Variants in APOOL observed in about 807,000 individuals in gnomAD.
APOOL encodes the protein MICOS complex subunit MIC27.
In APOOL, 12 loss-of-function variants were observed where a neutral mutation model predicts 23.1. The observed-to-expected ratio is 0.52, with a 90% confidence interval of 0.33 to 0.84. The LOEUF (loss-of-function observed/expected upper bound fraction) is 0.84, where lower values mean the gene tolerates loss of function less well. Among genes scored for constraint, APOOL ranks in the 40% least tolerant of loss-of-function variants. The probability of loss-of-function intolerance (pLI) is 0.02; values close to 1 mark genes in which losing one functional copy is unlikely to be tolerated. For missense variants in APOOL, 212 were observed against 199.6 expected, an observed-to-expected ratio of 1.06 and a Z score of -0.37; for synonymous variants, 77 against 69.9, an observed-to-expected ratio of 1.10 and a Z score of -0.51.
chrX:85,022,801 G>A (rs1329954830), intron 1 of APOOL, among the ~76,000 whole-genome samples: 1 of 111,802 alleles, frequency 8.9e-6, no homozygotes, highest in Admixed American at 9.5e-5. Context: ...AAGTTCAATT[G>A]TCCTTATGCT....
chrX:85,042,345 A>C (rs971903026), intron 1 of APOOL, among the ~76,000 whole-genome samples: 4 of 111,784 alleles, frequency 3.6e-5, no homozygotes, highest in African/African-American at 1.3e-4. Flanking sequence ...AATAAGTTGG[A>C]AAATCTAGAA....
At chrX:85,084,167 GCT>G (rs1924211316) in intron 8 of APOOL, among the ~76,000 whole-genome samples, 1 of 90,416 alleles carries the variant, frequency 1.1e-5, no homozygotes, top group African/African-American at 4.4e-5. Context: ...ATGGAGTCTC[GCT>G]CTGTCACCCA....
At chrX:85,062,814 C>A (rs1422011849) in intron 5 of APOOL, among the ~76,000 whole-genome samples, 1 of 111,402 alleles carries the variant, frequency 9.0e-6, no homozygotes, top group African/African-American at 3.3e-5. Flanking sequence ...CAACTTTGTT[C>A]TTTTTTGCTT....
chrX:85,081,573 T>A (rs1322210803), intron 8 of APOOL: 3 of 117,759 alleles, frequency 2.5e-5, no homozygotes, highest in African/African-American at 9.8e-5. Context: ...TGTCTTGGGG[T>A]TGCTATTCTC....
At chrX:85,047,639 A>C (rs1444299877) in intron 2 of APOOL, among the ~76,000 whole-genome samples, 1 of 111,380 alleles carries the variant, frequency 9.0e-6, no homozygotes, top group Non-Finnish European at 1.9e-5. Context: ...GTACTTAGGC[A>C]TTTGAACTTT....
intron 1 of APOOL, among the ~76,000 whole-genome samples, chrX:85,015,620 G>A (rs1302331524): frequency 3.7e-5 from 4 of 107,794 alleles, no homozygotes; most frequent in African/African-American, 1.0e-4. Flanking sequence ...CCAGGCTGGA[G>A]TGCAATGGCG....
Position 85,083,474 on chromosome X carries a change from G to T in APOOL, c.719-4116G>T, listed in dbSNP as rs548192544. On this transcript the variant is annotated intron_variant, in intron 8 of 8. Transcript: ENST00000373173. ...CAGTACCCGAAATTAAGAACTCATT[G>T]TATGGGTTTAACAGCAGACTATTTA... Among the ~76,000 whole-genome samples the T allele has an allele frequency of 1.3e-4, 15 of 111,602 alleles. No homozygotes were observed. In the South Asian group the frequency reaches 5.7e-3, roughly 42 times the overall value.
At chrX:85,023,253 C>T (rs1397218297) in intron 1 of APOOL, among the ~76,000 whole-genome samples, 2 of 111,487 alleles carry the variant, frequency 1.8e-5, no homozygotes, top group Non-Finnish European at 1.9e-5. Flanking sequence ...AACCAGCATA[C>T]AAAATCAGTG....
intron 2 of APOOL, among the ~76,000 whole-genome samples, chrX:85,047,161 T>C (rs1188245235): frequency 9.0e-6 from 1 of 111,515 alleles, no homozygotes; most frequent in African/African-American, 3.3e-5. Flanking sequence ...AAAACTCTCT[T>C]TCAAAAAACA....
At chrX:85,023,544 CAG>C (rs772442519) in intron 1 of APOOL, among the ~76,000 whole-genome samples, 4 of 111,836 alleles carry the variant, frequency 3.6e-5, no homozygotes, top group Admixed American at 1.9e-4. Context: ...TCCCCAGAAA[CAG>C]AAAAACAATC....
At chrX:85,043,048 G>A (rs1922451610) in intron 1 of APOOL, among the ~76,000 whole-genome samples, 1 of 111,197 alleles carries the variant, frequency 9.0e-6, no homozygotes, top group Admixed American at 9.6e-5. Context: ...TTTATTGCAG[G>A]CACAGTTGGA....
At position 85,062,118 on chromosome X, in the gene APOOL, T is replaced by TGCCTTCATTTCATTATTTAC. The variant is rs1473561307; in HGVS notation, c.395-5008_395-4989dup. On this transcript the variant is annotated intron_variant, in intron 5 of 8. Coordinates refer to ENST00000373173, the MANE Select transcript of APOOL (RefSeq NM_198450.6). ...TGGTTTCAAAGAACATCTTTATTTC[T>TGCCTTCATTTCATTATTTAC]GCCTTCATTTCATTATTTACCCAGT... Among the ~76,000 whole-genome samples the TGCCTTCATTTCATTATTTAC allele has an allele frequency of 5.7e-3, 639 of 112,116 alleles. 5 individuals are homozygous for TGCCTTCATTTCATTATTTAC. Among genetic ancestry groups the TGCCTTCATTTCATTATTTAC allele is most frequent in the African/African-American group, 0.02 (618 of 30,906 alleles).
chrX:85,090,693 C>G lies in APOOL; in HGVS notation c.*3015C>G, dbSNP rs1924493265. On this transcript the variant is annotated 3_prime_UTR_variant, in exon 9 of 9. Transcript: ENST00000373173. ...ATTATTGCCTCTTTCTCTGCCTGTG[C>G]TAGTGTGTCCTCTTAGAATGTTCTT... 8.9e-6 allele frequency: 1 copy of G among 111,889 alleles called. No homozygotes were observed. Among genetic ancestry groups the G allele is most frequent in the Non-Finnish European group, 1.9e-5 (1 of 53,245 alleles). 9.2% of individuals were successfully genotyped at this position (111,889 alleles called of 1,213,427 possible). A position where few individuals can be genotyped will look rare whatever the true frequency, so the allele number is the denominator to read the frequency against.
intron 8 of APOOL, among the ~76,000 whole-genome samples, chrX:85,077,016 T>TATATATATATATATATATAC (rs1169194451): frequency 6.3e-5 from 6 of 95,262 alleles, no homozygotes; most frequent in East Asian, 6.3e-4. Context: ...TATATATATA[T>TATATATATATATATATATAC]ACGTATATAT....
At chrX:85,072,945 C>T (rs189836344) in intron 6 of APOOL, among the ~76,000 whole-genome samples, 4 of 111,631 alleles carry the variant, frequency 3.6e-5, no homozygotes, top group Admixed American at 1.9e-4. Context: ...GACTTCCATT[C>T]ATGCCAGTAC....
At chrX:85,015,815 G>A (rs908957112) in intron 1 of APOOL, among the ~76,000 whole-genome samples, 3 of 111,216 alleles carry the variant, frequency 2.7e-5, no homozygotes, top group East Asian at 2.8e-4. Context: ...TGATCCACCC[G>A]CCTCGGCCTC....
intron 1 of APOOL, among the ~76,000 whole-genome samples, chrX:85,009,648 A>G (rs978670204): frequency 4.5e-5 from 5 of 109,960 alleles, no homozygotes; most frequent in Admixed American, 9.7e-5. Flanking sequence ...TTTTTTTTCA[A>G]CTTCTATTTT....
intron 1 of APOOL, among the ~76,000 whole-genome samples, chrX:85,029,264 T>TA (rs2147481765): frequency 9.0e-6 from 1 of 111,716 alleles, no homozygotes; most frequent in South Asian, 3.7e-4. Context: ...TGCCCTATCA[T>TA]ATAAAAGCTA....
At chrX:85,024,027 CAT>C (rs1370254868) in intron 1 of APOOL, among the ~76,000 whole-genome samples, 2 of 111,795 alleles carry the variant, frequency 1.8e-5, no homozygotes, top group Non-Finnish European at 3.8e-5. Context: ...CTATTTGTAA[CAT>C]GGTATGAAGT....
Sources: allele counts gnomAD v4.1 joint callset (sites outside exome capture counted in the v4.1 genomes callset), GRCh38; gene constraint gnomAD v4.1.1; transcripts MANE v1.5; gene names NCBI Gene and HGNC (gene_info 2026-07-23, HGNC 2026-07-21).